RAB38: variants seen among roughly 807,000 people sequenced by gnomAD.
The protein encoded by RAB38 is RAB38, member RAS oncogene family, also known as ras-related protein Rab-38.
In RAB38, 15 loss-of-function variants were observed where a neutral mutation model predicts 18.4. The ratio of observed to expected loss-of-function variants is 0.82; its 90% CI spans 0.55 to 1.26. RAB38 has a LOEUF of 1.26. RAB38 is among the 50% of genes most tolerant of loss of function. RAB38 has a pLI of 0.00. For synonymous variants in RAB38, 101 were observed against 104.4 expected (o/e 0.97, Z 0.20); for missense variants, 294 against 267.4 (o/e 1.10, Z -0.69).
the RAB38 span, among the ~76,000 whole-genome samples, chr11:87,928,882 A>G: frequency 6.6e-6 from 1 of 152,128 alleles, no homozygotes; most frequent in Non-Finnish European, 1.5e-5. Flanking sequence ...TGGGAGGCCA[A>G]CGCAGGCGGA....
At chr11:87,940,861 A>ACCTC in the RAB38 span, among the ~76,000 whole-genome samples, 1 of 152,000 alleles carries the variant, frequency 6.6e-6, no homozygotes, top group South Asian at 2.1e-4. Context: ...CAAACTCCTG[A>ACCTC]CCTCAAGTGA....
chr11:88,027,965 T>C, the RAB38 span, among the ~76,000 whole-genome samples: 8 of 152,306 alleles, frequency 5.3e-5, no homozygotes, highest in East Asian at 1.5e-3. Context: ...GCAGCCTAAC[T>C]GGGAGGCACC....
chr11:87,934,327 G>A, the RAB38 span, among the ~76,000 whole-genome samples: 19 of 152,096 alleles, frequency 1.2e-4, 1 homozygote, highest in South Asian at 3.5e-3. Flanking sequence ...TCTAACTTTC[G>A]ATCCCCCTTT....
At chr11:87,937,311 CATATATATATATATATATATATAT>C in the RAB38 span, among the ~76,000 whole-genome samples, 20,182 of 82,836 alleles carry the variant, frequency 0.24, 2,126 homozygotes, top group South Asian at 0.34. Flanking sequence ...ACTTGGTCAT[CATATATATATATATATATATATAT>C]ATATATATAT....
At chr11:88,108,473 G>A (rs1478057067), downstream of RAB38, among the ~76,000 whole-genome samples, 2 of 151,294 alleles carry the variant, frequency 1.3e-5, no homozygotes, top group African/African-American at 2.4e-5. Context: ...TTTTTGTTTT[G>A]TTTTTGCTTT....
At chr11:87,947,951 T>A in the RAB38 span, among the ~76,000 whole-genome samples, 1 of 152,226 alleles carries the variant, frequency 6.6e-6, no homozygotes, top group South Asian at 2.1e-4. Flanking sequence ...GGTAGCTTGA[T>A]GGGGATGGCA....
chr11:88,043,602 AC>A, the RAB38 span, among the ~76,000 whole-genome samples: 1 of 114,412 alleles, frequency 8.7e-6, no homozygotes, highest in African/African-American at 3.9e-5. Flanking sequence ...GCACCTTGTG[AC>A]CCCCCCACCC....
At chr11:88,050,385 C>T in the RAB38 span, among the ~76,000 whole-genome samples, 1 of 152,102 alleles carries the variant, frequency 6.6e-6, no homozygotes, top group Non-Finnish European at 1.5e-5. Flanking sequence ...GAAACTCAAC[C>T]TAAAGCTACA....
the RAB38 span, among the ~76,000 whole-genome samples, chr11:87,886,231 C>T: frequency 5.9e-5 from 9 of 151,920 alleles, no homozygotes; most frequent in African/African-American, 2.2e-4. Context: ...TCCTTTGACT[C>T]CGCCGGACTT....
the RAB38 span, among the ~76,000 whole-genome samples, chr11:87,966,043 G>T: frequency 6.6e-6 from 1 of 152,122 alleles, no homozygotes; most frequent in African/African-American, 2.4e-5. Flanking sequence ...GCCCAGGAAA[G>T]GTACAGGCAA....
the RAB38 span, among the ~76,000 whole-genome samples, chr11:88,074,253 C>CT: frequency 6.6e-6 from 1 of 152,170 alleles, no homozygotes; most frequent in African/African-American, 2.4e-5. Flanking sequence ...TACTGTAATA[C>CT]TGTACCTGTG....
the RAB38 span, among the ~76,000 whole-genome samples, chr11:87,968,391 C>G: frequency 6.6e-6 from 1 of 152,114 alleles, no homozygotes; most frequent in Non-Finnish European, 1.5e-5. Context: ...CCCAGCTTCC[C>G]TTGCGTCTAG....
chr11:88,039,198 T>C, the RAB38 span, among the ~76,000 whole-genome samples: 3 of 152,152 alleles, frequency 2.0e-5, no homozygotes, highest in Non-Finnish European at 2.9e-5. Context: ...AAAAAGGAAA[T>C]TGCCATTATT....
chr11:87,964,201 C>G, the RAB38 span, among the ~76,000 whole-genome samples: 5 of 152,102 alleles, frequency 3.3e-5, no homozygotes, highest in African/African-American at 9.7e-5. Context: ...GTTTTACTGA[C>G]CTGGGCCAGC....
At chr11:87,952,570 A>T in the RAB38 span, among the ~76,000 whole-genome samples, 1 of 152,198 alleles carries the variant, frequency 6.6e-6, no homozygotes, top group East Asian at 1.9e-4. Context: ...CTGTTGGTCC[A>T]AGAGGAACAC....
At chr11:87,916,484 C>T in the RAB38 span, among the ~76,000 whole-genome samples, 1 of 152,076 alleles carries the variant, frequency 6.6e-6, no homozygotes, top group Non-Finnish European at 1.5e-5. Context: ...CTTAATTTTG[C>T]TTCTTCACAT....
downstream of RAB38, among the ~76,000 whole-genome samples, chr11:88,108,695 C>T (rs1942434078): frequency 6.6e-6 from 1 of 152,138 alleles, no homozygotes; most frequent in African/African-American, 2.4e-5. Context: ...ATGATGCTAG[C>T]TGGTTATTTT....
the RAB38 span, among the ~76,000 whole-genome samples, chr11:87,826,875 C>T: frequency 6.6e-6 from 1 of 152,110 alleles, no homozygotes; most frequent in Non-Finnish European, 1.5e-5. Flanking sequence ...CTTCACCATA[C>T]TCAGTAGCTG....
chr11:88,034,541 T>C, the RAB38 span, among the ~76,000 whole-genome samples: 1 of 152,254 alleles, frequency 6.6e-6, no homozygotes, highest in African/African-American at 2.4e-5. Context: ...TTATCCATTA[T>C]GACAGATATG....
Sources: allele counts gnomAD v4.1 joint callset (sites outside exome capture counted in the v4.1 genomes callset), GRCh38; gene constraint gnomAD v4.1.1; transcripts MANE v1.5; gene names NCBI Gene and HGNC (gene_info 2026-07-23, HGNC 2026-07-21).